FKTN: variants seen among roughly 807,000 people sequenced by gnomAD.
The protein encoded by FKTN is ribitol-5-phosphate transferase FKTN.
Under a neutral mutation model 58.6 loss-of-function variants are expected in FKTN, and 47 were observed. The ratio of observed to expected loss-of-function variants is 0.80; its 90% CI spans 0.63 to 1.02. The LOEUF (loss-of-function observed/expected upper bound fraction) is 1.02, where lower values mean the gene tolerates loss of function less well. Ranked by LOEUF, FKTN falls within the 50% of genes least tolerant of loss-of-function variation. The probability of loss-of-function intolerance (pLI) is 0.00; values close to 1 mark genes in which losing one functional copy is unlikely to be tolerated. For synonymous variants in FKTN, 178 were observed against 191.9 expected (o/e 0.93, Z 0.60); for missense variants, 516 against 537.3 (o/e 0.96, Z 0.39).
rs371425322 is a variant in FKTN, at chr9:105,582,056, G to A, written c.105+6919G>A. Reference sequence around the variant, plus strand: ...ACGGTGCGCGCACCCACTAGCCTGCGCCCACTGTCTGGCACTCCCTAGTGA... The same window carrying A: ...ACGGTGCGCGCACCCACTAGCCTGCACCCACTGTCTGGCACTCCCTAGTGA... On this transcript the variant is annotated intron_variant, in intron 3 of 10. Transcript: ENST00000357998. Among the ~76,000 whole-genome samples the A allele has an allele frequency of 1.6e-4, 25 of 152,176 alleles. 1 individual carries two copies. The highest frequency in any genetic ancestry group is 5.5e-4 in the African/African-American group (23 of 41,518).
At chr9:105,569,784 C>T (rs1840419012) in intron 1 of FKTN, among the ~76,000 whole-genome samples, 2 of 152,148 alleles carry the variant, frequency 1.3e-5, no homozygotes. Context: ...CGTAACTCCC[C>T]TCGTTACATC....
At chr9:105,586,854 T>A (rs1181051076) in intron 3 of FKTN, among the ~76,000 whole-genome samples, 1 of 152,230 alleles carries the variant, frequency 6.6e-6, no homozygotes, top group Non-Finnish European at 1.5e-5. Flanking sequence ...TAAATTCTTA[T>A]AGTGTCCCTA....
chr9:105,591,129 A>G (rs1177329868), intron 3 of FKTN, among the ~76,000 whole-genome samples: 1 of 152,078 alleles, frequency 6.6e-6, no homozygotes, highest in African/African-American at 2.4e-5. Context: ...TGGGGATTAC[A>G]ATTTGACATG....
At chr9:105,610,389 G>A (rs1451987835) in intron 7 of FKTN, among the ~76,000 whole-genome samples, 2 of 151,992 alleles carry the variant, frequency 1.3e-5, no homozygotes, top group Non-Finnish European at 2.9e-5. Flanking sequence ...GACATCTCCA[G>A]TCCGGTTAAA....
chr9:105,573,466 A>C (rs1452684578), intron 1 of FKTN, among the ~76,000 whole-genome samples, 189 bp from the exon 2 acceptor site: 1 of 151,952 alleles, frequency 6.6e-6, no homozygotes, highest in African/African-American at 2.4e-5. Flanking sequence ...TTTACAAATA[A>C]ATTTTTAAAA....
chr9:105,566,339 C>A (rs1330494008), intron 1 of FKTN, among the ~76,000 whole-genome samples: 2 of 152,014 alleles, frequency 1.3e-5, no homozygotes, highest in East Asian at 1.9e-4. Context: ...AAAAACCCTT[C>A]AAAAAATCAA....
intron 3 of FKTN, among the ~76,000 whole-genome samples, chr9:105,594,586 A>C (rs1826405133): frequency 6.6e-6 from 1 of 152,200 alleles, no homozygotes; most frequent in Admixed American, 6.5e-5. Flanking sequence ...TTTATGAAAA[A>C]TACAAAAATT....
intron 5 of FKTN, among the ~76,000 whole-genome samples, chr9:105,603,361 A>T (rs1828243089): frequency 6.6e-6 from 1 of 152,230 alleles, no homozygotes; most frequent in Non-Finnish European, 1.5e-5. Flanking sequence ...GTTACAGTTG[A>T]TAATGAAACA....
chr9:105,581,841 C>G (rs199834846), intron 3 of FKTN, among the ~76,000 whole-genome samples: 3 of 152,294 alleles, frequency 2.0e-5, no homozygotes, highest in Non-Finnish European at 4.4e-5. Flanking sequence ...TAGGACCCTC[C>G]GAGCCAGGTG....
intron 3 of FKTN, among the ~76,000 whole-genome samples, chr9:105,593,771 A>T (rs1289413928): frequency 6.6e-6 from 1 of 152,222 alleles, no homozygotes; most frequent in Non-Finnish European, 1.5e-5. Flanking sequence ...AGTGAGGCAG[A>T]GGTTGTCAAC....
At chr9:105,605,394 A>C (rs892975450) in intron 6 of FKTN, among the ~76,000 whole-genome samples, 7 of 152,216 alleles carry the variant, frequency 4.6e-5, no homozygotes, top group African/African-American at 7.2e-5. Context: ...TAGATAAATT[A>C]TGAACTAATC....
At chr9:105,606,289 A>G (rs556910095) in intron 6 of FKTN, among the ~76,000 whole-genome samples, 134 of 152,150 alleles carry the variant, frequency 8.8e-4, no homozygotes, top group African/African-American at 3.1e-3. Context: ...ACTTTCCTAT[A>G]TATTTTTTAA....
At chr9:105,616,515 G>T (rs1830844705) in intron 8 of FKTN, among the ~76,000 whole-genome samples, 1 of 151,944 alleles carries the variant, frequency 6.6e-6, no homozygotes, top group South Asian at 2.1e-4. Flanking sequence ...GTGATTTCTG[G>T]GTCTCTGTCC....
At chr9:105,583,309 TG>T (rs1462255382) in intron 3 of FKTN, among the ~76,000 whole-genome samples, 2 of 152,196 alleles carry the variant, frequency 1.3e-5, no homozygotes, top group East Asian at 3.8e-4. Context: ...ATTGAGGTTT[TG>T]AGAGACTTAC....
chr9:105,622,507 C>G (rs531879623), intron 10 of FKTN, among the ~76,000 whole-genome samples: 5 of 151,826 alleles, frequency 3.3e-5, no homozygotes, highest in African/African-American at 1.2e-4. Context: ...ATAGGTAGTT[C>G]ATATATATAT....
intron 3 of FKTN, among the ~76,000 whole-genome samples, chr9:105,582,408 C>G (rs1843162141): frequency 1.3e-5 from 2 of 152,318 alleles, no homozygotes; most frequent in Admixed American, 6.5e-5. Context: ...GTTGCCCAGG[C>G]TGGTCTTGAA....
chr9:105,599,475 CT>C (rs56397759), intron 4 of FKTN, among the ~76,000 whole-genome samples: 393 of 101,144 alleles, frequency 3.9e-3, no homozygotes, highest in African/African-American at 0.011. Context: ...TCAGGTTTTG[CT>C]TTTTTTTTTT....
At chr9:105,567,468 A>T in intron 1 of FKTN, among the ~76,000 whole-genome samples, 1 of 152,238 alleles carries the variant, frequency 6.6e-6, no homozygotes. Flanking sequence ...TACAAAATCA[A>T]TGTGCAAAAA....
intron 4 of FKTN, 53 bp downstream of exon 4, chr9:105,596,710 C>T: frequency 8.3e-7 from 1 of 1,210,884 alleles, no homozygotes; most frequent in South Asian, 1.2e-5. Flanking sequence ...TTAGTTCATT[C>T]ATTTACTCCG....
Sources: allele counts gnomAD v4.1 joint callset (sites outside exome capture counted in the v4.1 genomes callset), GRCh38; gene constraint gnomAD v4.1.1; transcripts MANE v1.5; gene names NCBI Gene and HGNC (gene_info 2026-07-23, HGNC 2026-07-21).